Variants in SLAIN2 observed in about 807,000 individuals in gnomAD.
SLAIN2 encodes the protein SLAIN motif-containing protein 2.
Under a neutral mutation model 56.6 loss-of-function variants are expected in SLAIN2, and 31 were observed. The observed-to-expected ratio is 0.55, with a 90% CI of 0.41 to 0.74. The LOEUF is 0.74. SLAIN2 is among the 30% of genes least tolerant of loss of function. The pLI, the probability that SLAIN2 is intolerant of heterozygous loss-of-function variation, is 0.00. For synonymous variants in SLAIN2, 317 were observed against 284.9 expected (o/e 1.11, Z -1.13); for missense variants, 777 against 754.2 (o/e 1.03, Z -0.35).
intron 1 of SLAIN2, among the ~76,000 whole-genome samples, chr4:48,356,710 T>G (rs73134500): frequency 0.013 from 1,990 of 152,266 alleles, 48 homozygotes; most frequent in African/African-American, 0.046. Context: ...GTTTGTTTTT[T>G]AAAGACTTAA....
At chr4:48,420,616 A>C in intron 7 of SLAIN2, 173 bp downstream of exon 7, 3 of 798,184 alleles carry the variant, frequency 3.8e-6, no homozygotes, top group South Asian at 3.9e-5. Flanking sequence ...AGAAATCCTC[A>C]TTTGGGACTT....
At position 48,425,218 on chromosome 4, in the gene SLAIN2, A is replaced by G. The variant is rs944923391; in HGVS notation, c.*3141A>G. The G allele has an allele frequency of 2.0e-5, 3 of 152,108 alleles. No individual in the cohort carries two copies. The highest frequency in any genetic ancestry group is 7.2e-5 in the African/African-American group (3 of 41,440). 9.4% of individuals were successfully genotyped at this position (152,108 alleles called of 1,614,324 possible). ...TTTCTCTGTCAGAGTTATTTCATAT[A>G]TGGATTTTACTTGAAGGAAATTTAC... On this transcript the variant is annotated 3_prime_UTR_variant, in exon 8 of 8. Transcript: ENST00000264313.
intron 1 of SLAIN2, among the ~76,000 whole-genome samples, chr4:48,355,242 T>TA (rs1317952446): frequency 6.6e-6 from 1 of 152,240 alleles, no homozygotes; most frequent in African/African-American, 2.4e-5. Context: ...TCTTCATACT[T>TA]ACTTCCTTGC....
chr4:48,398,392 G>A (rs1716465113), intron 6 of SLAIN2, among the ~76,000 whole-genome samples: 1 of 152,070 alleles, frequency 6.6e-6, no homozygotes. Context: ...ACTCTGGATA[G>A]TAGACCTTTG....
At chr4:48,346,835 C>CTTTTTTTTT (rs71191209) in intron 1 of SLAIN2, among the ~76,000 whole-genome samples, 1 of 128,008 alleles carries the variant, frequency 7.8e-6, no homozygotes, top group Non-Finnish European at 1.6e-5. Context: ...TTCTATTTCC[C>CTTTTTTTTT]TTTTTTTTTT....
chr4:48,381,773 T>C (rs957140528), intron 4 of SLAIN2, among the ~76,000 whole-genome samples: 1 of 152,238 alleles, frequency 6.6e-6, no homozygotes, highest in Non-Finnish European at 1.5e-5. Context: ...ACTGGAGTGC[T>C]AATAGTTAGC....
intron 6 of SLAIN2, among the ~76,000 whole-genome samples, chr4:48,385,604 A>T (rs999064464): frequency 2.0e-5 from 3 of 151,496 alleles, no homozygotes; most frequent in African/African-American, 4.9e-5. Flanking sequence ...ATTTGAAGAT[A>T]TTTAACCCTT....
At chr4:48,382,515 T>G in intron 4 of SLAIN2, 53 bp from the exon 5 acceptor site, 1 of 1,387,002 alleles carries the variant, frequency 7.2e-7, no homozygotes, top group Non-Finnish European at 9.4e-7. Context: ...AATTTTAAAA[T>G]TATTTAAATG....
At chr4:48,375,117 C>A (rs1479176688) in intron 2 of SLAIN2, among the ~76,000 whole-genome samples, 1 of 151,930 alleles carries the variant, frequency 6.6e-6, no homozygotes, top group Non-Finnish European at 1.5e-5. Flanking sequence ...ATGGCATAGA[C>A]TGAGAAGATA....
At chr4:48,364,800 G>T (rs1715464212) in intron 1 of SLAIN2, among the ~76,000 whole-genome samples, 1 of 140,548 alleles carries the variant, frequency 7.1e-6, no homozygotes, top group Non-Finnish European at 1.6e-5. Context: ...GTTGCAGTGT[G>T]CCGAGATGGC....
intron 3 of SLAIN2, among the ~76,000 whole-genome samples, chr4:48,378,706 C>G (rs908615231): frequency 7.2e-5 from 11 of 152,122 alleles, no homozygotes; most frequent in Admixed American, 7.2e-4. Flanking sequence ...TCTAATGATC[C>G]TATTCTTTGT....
At chr4:48,369,469 G>C (rs1224637254) in intron 1 of SLAIN2, among the ~76,000 whole-genome samples, 1 of 152,170 alleles carries the variant, frequency 6.6e-6, no homozygotes, top group Admixed American at 6.5e-5. Flanking sequence ...CGTGGGAAGG[G>C]AAATAGGTGG....
intron 6 of SLAIN2, 163 bp downstream of exon 6, chr4:48,383,947 G>T: frequency 1.5e-6 from 1 of 671,304 alleles, no homozygotes; most frequent in Non-Finnish European, 2.4e-6. Context: ...GATAATCAAA[G>T]TTATATTACA....
chr4:48,342,161 G>A (rs1283025349), intron 1 of SLAIN2, 33 bp downstream of exon 1: 1 of 1,333,916 alleles, frequency 7.5e-7, no homozygotes, highest in East Asian at 3.1e-5. Flanking sequence ...GAGCTGGGCG[G>A]GGACGGGCCC....
rs1715264929 is a variant in SLAIN2, at chr4:48,359,713, T to TA, written c.390-10135dup. 2.0e-5 allele frequency among the ~76,000 whole-genome samples: 3 copies of TA among 152,386 alleles called. No individual in the cohort carries two copies. In the South Asian group the frequency reaches 6.2e-4, roughly 32 times the overall value. On this transcript the variant is annotated intron_variant, in intron 1 of 7. Coordinates refer to ENST00000264313, the MANE Select transcript of SLAIN2 (RefSeq NM_020846.2). ...AAGTTATTACACTTAAAGAAATAGT[T>TA]ATATTCTTAGTTGTCTTTAATCACC... is the stretch of plus-strand genomic sequence containing the variant.
chr4:48,393,386 TTG>T (rs57142552), intron 6 of SLAIN2, among the ~76,000 whole-genome samples: 6,818 of 135,362 alleles, frequency 0.05, 194 homozygotes, highest in Middle Eastern at 0.075. Flanking sequence ...CATGTCTGGC[TTG>T]TGTGTGTGTG....
Position 48,413,227 on chromosome 4 carries a change from C to CA in SLAIN2, c.1361-6883dup, listed in dbSNP as rs10572522. Among the ~76,000 whole-genome samples, 424 of 144,910 alleles carry CA rather than the reference C, an allele frequency of 2.9e-3. 1 individual carries two copies. The highest frequency in any genetic ancestry group is 5.2e-3 in the African/African-American group (201 of 38,870). ...TGGGTGATAGAGCGAGACTCTGCCT[C>CA]AAAAAAAAAAAAAAATGTTGATAAT... On this transcript the variant is annotated intron_variant, in intron 6 of 7. Transcript: ENST00000264313.
chr4:48,343,876 A>C (rs1488347478), intron 1 of SLAIN2, among the ~76,000 whole-genome samples: 1 of 152,240 alleles, frequency 6.6e-6, no homozygotes, highest in Admixed American at 6.5e-5. Context: ...CTCCCAAAGG[A>C]ATCTTGGGTA....
chr4:48,387,804 A>G (rs1716138420), intron 6 of SLAIN2, among the ~76,000 whole-genome samples: 1 of 151,290 alleles, frequency 6.6e-6, no homozygotes, highest in African/African-American at 2.5e-5. Flanking sequence ...ACATGAAAAT[A>G]TATATGTAAG....
Sources: allele counts gnomAD v4.1 joint callset (sites outside exome capture counted in the v4.1 genomes callset), GRCh38; gene constraint gnomAD v4.1.1; transcripts MANE v1.5; gene names NCBI Gene and HGNC (gene_info 2026-07-23, HGNC 2026-07-21).